Variants in MSH3 observed in about 807,000 individuals in gnomAD.
The protein encoded by MSH3 is mutS homolog 3, also known as DNA mismatch repair protein Msh3.
Under a neutral mutation model 123.3 loss-of-function variants are expected in MSH3, and 106 were observed. The ratio of observed to expected loss-of-function variants is 0.86; its 90% CI spans 0.73 to 1.01. The LOEUF is 1.01. Among genes scored for constraint, MSH3 ranks in the 50% least tolerant of loss-of-function variants. MSH3 has a pLI of 0.00. For missense variants in MSH3, 1,459 were observed against 1,347.6 expected (o/e 1.08, Z -1.29); for synonymous variants, 515 against 481.4 (o/e 1.07, Z -0.91).
At chr5:80,813,825 AT>A in intron 20 of MSH3, 84 bp downstream of exon 20, 2 of 1,424,724 alleles carry the variant, frequency 1.4e-6, no homozygotes, top group South Asian at 1.2e-5. Context: ...TTGTGTACAT[AT>A]TTAGATGCTC....
At chr5:80,796,186 G>T (rs1335400912) in intron 19 of MSH3, among the ~76,000 whole-genome samples, 1 of 151,886 alleles carries the variant, frequency 6.6e-6, no homozygotes, top group Non-Finnish European at 1.5e-5. Flanking sequence ...ATTACCCTTG[G>T]GATTGACTTA....
intron 3 of MSH3, among the ~76,000 whole-genome samples, chr5:80,668,043 A>G (rs1286387233): frequency 6.6e-6 from 1 of 152,186 alleles, no homozygotes; most frequent in Non-Finnish European, 1.5e-5. Flanking sequence ...GTGACAGAAC[A>G]TTGAGGGGAG....
At chr5:80,664,862 C>T (rs1749528829) in intron 2 of MSH3, among the ~76,000 whole-genome samples, 1 of 151,212 alleles carries the variant, frequency 6.6e-6, no homozygotes, top group Non-Finnish European at 1.5e-5. Flanking sequence ...CCTCTCTGTC[C>T]TTATGGGCTT....
chr5:80,657,499 T>A (rs921225047), intron 2 of MSH3, among the ~76,000 whole-genome samples: 4 of 152,046 alleles, frequency 2.6e-5, no homozygotes, highest in Non-Finnish European at 5.9e-5. Flanking sequence ...CCTGCCTGAG[T>A]GCCTGAGTTC....
intron 12 of MSH3, among the ~76,000 whole-genome samples, chr5:80,749,935 G>C (rs1743802564): frequency 6.6e-6 from 1 of 151,936 alleles, no homozygotes. Context: ...GACTTTATTT[G>C]ATTTTACATA....
chr5:80,753,224 A>G (rs1398126794), intron 12 of MSH3, among the ~76,000 whole-genome samples: 2 of 152,158 alleles, frequency 1.3e-5, no homozygotes, highest in Non-Finnish European at 2.9e-5. Flanking sequence ...CACATCTTGC[A>G]TTAGAAAGAC....
At chr5:80,690,095 A>AT (rs1167645793) in intron 8 of MSH3, among the ~76,000 whole-genome samples, 1 of 152,016 alleles carries the variant, frequency 6.6e-6, no homozygotes, top group African/African-American at 2.4e-5. Flanking sequence ...TTTAAAAAAA[A>AT]TTTTGTAGAG....
intron 8 of MSH3, among the ~76,000 whole-genome samples, chr5:80,705,500 G>A (rs542248384): frequency 6.6e-6 from 1 of 152,324 alleles, no homozygotes; most frequent in African/African-American, 2.4e-5. Context: ...CAATCTGTTT[G>A]ATGTTCTAGT....
intron 8 of MSH3, among the ~76,000 whole-genome samples, chr5:80,715,805 A>G (rs1482148260): frequency 4.6e-5 from 7 of 152,124 alleles, no homozygotes; most frequent in African/African-American, 1.7e-4. Context: ...ACTCACTATC[A>G]CAAGAACAGC....
At chr5:80,682,614 A>G (rs371057396) in intron 8 of MSH3, among the ~76,000 whole-genome samples, 1 of 152,158 alleles carries the variant, frequency 6.6e-6, no homozygotes, top group Admixed American at 6.6e-5. Context: ...TAATAGATGT[A>G]TATATTTATG....
Position 80,665,019 on chromosome 5 carries a change from A to G in MSH3, c.359-124A>G, listed in dbSNP as rs55668654. The G allele has an allele frequency of 3.2e-4, 226 of 706,230 alleles. No individual in the cohort carries two copies. The East Asian group carries it at 4.1e-3, about 13-fold the overall frequency. The allele number at this position is 706,230 out of a possible 1,614,324, so 43.7% of individuals were successfully genotyped here. A position where few individuals can be genotyped will look rare whatever the true frequency, so the allele number is the denominator to read the frequency against. On this transcript the variant is annotated intron_variant, in intron 2 of 23. Transcript: ENST00000265081. ...TTCTTTCTTTTTTTAAAAAAATCACATTATAGTTAGATTCATTGCTTTATT... is the reference window on the plus strand; with the variant it reads ...TTCTTTCTTTTTTTAAAAAAATCACGTTATAGTTAGATTCATTGCTTTATT...
rs115141265 is a variant in MSH3, at chr5:80,746,611, C to T, written c.1763+1996C>T. The T allele has an allele frequency of 1.3e-3, 455 of 351,732 alleles. 3 individuals carry two copies. Among genetic ancestry groups the T allele is most frequent in the African/African-American group, 9.0e-3 (416 of 46,124 alleles). 21.8% of individuals were successfully genotyped at this position (351,732 alleles called of 1,614,324 possible). ...TCGTTTTCTTTGTTCGCATCATCCT[C>T]GGGAGGAGGACGGCCATTTTTGTGG... On this transcript the variant is annotated intron_variant, in intron 12 of 23. Transcript: ENST00000265081.
intron 12 of MSH3, among the ~76,000 whole-genome samples, chr5:80,751,170 T>TAAA (rs1363911517): frequency 3.3e-5 from 5 of 152,214 alleles, no homozygotes; most frequent in African/African-American, 1.2e-4. Flanking sequence ...TTAGAGCATG[T>TAAA]CTCAATAGGA....
intron 13 of MSH3, among the ~76,000 whole-genome samples, chr5:80,763,167 G>T (rs915122601): frequency 6.6e-6 from 1 of 152,072 alleles, no homozygotes. Context: ...AATTTTAGTT[G>T]TGACCAATTT....
chr5:80,840,590 T>C (rs1267569009), intron 20 of MSH3, among the ~76,000 whole-genome samples: 2 of 152,106 alleles, frequency 1.3e-5, no homozygotes, highest in Non-Finnish European at 2.9e-5. Context: ...ATTTTTGGGT[T>C]TTTGTTGTTG....
At chr5:80,742,148 T>A (rs1016234245) in intron 11 of MSH3, among the ~76,000 whole-genome samples, 3 of 152,176 alleles carry the variant, frequency 2.0e-5, no homozygotes, top group African/African-American at 7.2e-5. Context: ...TAGCTGGGAT[T>A]ACAGGCACCT....
chr5:80,768,803 C>T (rs376360531), intron 14 of MSH3, 32 bp from the exon 15 acceptor site: 50 of 1,546,020 alleles, frequency 3.2e-5, no homozygotes, highest in Admixed American at 5.1e-5. Flanking sequence ...TAATAAACTT[C>T]GAATATGTAT....
rs1184418846 is a variant in MSH3, at chr5:80,744,604, C to G, written c.1752C>G (p.Leu584=). Residue 584 remains leucine, a synonymous_variant, in exon 12 of 24, where the codon CTC becomes CTG. Coordinates refer to ENST00000265081, the MANE Select transcript of MSH3 (RefSeq NM_002439.5). The part of the protein sequence containing the change: ...RKLKKWVTQP[L]LKLREINARL... ...TAAAGAAGTGGGTGACCCAGCCACT[C>G]CTTAAATTAAGGTAAAAGGAATTCT... 1.9e-6 allele frequency: 3 copies of G among 1,607,986 alleles called. No individual in the cohort carries two copies. Among genetic ancestry groups the G allele is most frequent in the East Asian group, 2.2e-5 (1 of 44,806 alleles).
At chr5:80,742,274 T>C (rs755997250) in intron 11 of MSH3, among the ~76,000 whole-genome samples, 33 of 152,172 alleles carry the variant, frequency 2.2e-4, no homozygotes, top group Non-Finnish European at 4.6e-4. Flanking sequence ...CCTCCCAAAA[T>C]CCTAGGATTA....
Sources: allele counts gnomAD v4.1 joint callset (sites outside exome capture counted in the v4.1 genomes callset), GRCh38; gene constraint gnomAD v4.1.1; transcripts MANE v1.5; gene names NCBI Gene and HGNC (gene_info 2026-07-23, HGNC 2026-07-21).